The following OIT3 variants were observed in gnomAD, a reference collection of about 807,000 sequenced individuals.
OIT3 encodes the protein oncoprotein induced transcript 3, also known as oncoprotein-induced transcript 3 protein.
Under a neutral mutation model 52.2 loss-of-function variants are expected in OIT3, and 41 were observed. That is an observed-to-expected ratio of 0.79 (90% CI 0.61 to 1.02). The LOEUF (loss-of-function observed/expected upper bound fraction) is 1.02. Among genes scored for constraint, OIT3 ranks in the 50% least tolerant of loss-of-function variants. OIT3 has a pLI of 0.00. For missense variants in OIT3, 634 were observed against 715.5 expected, an observed-to-expected ratio of 0.89 and a Z score of 1.30; for synonymous variants, 244 against 276.9, an observed-to-expected ratio of 0.88 and a Z score of 1.18.
At chr10:72,903,938 A>G (rs934638783) in intron 3 of OIT3, among the ~76,000 whole-genome samples, 30 of 152,282 alleles carry the variant, frequency 2.0e-4, no homozygotes, top group African/African-American at 6.5e-4. Flanking sequence ...TCTTATGCCT[A>G]ATTTCTGCCT....
chr10:72,902,100 A>T (rs1418078730), intron 3 of OIT3, among the ~76,000 whole-genome samples: 1 of 152,122 alleles, frequency 6.6e-6, no homozygotes, highest in African/African-American at 2.4e-5. Context: ...CTCCTAAATG[A>T]ACCCCACTGA....
intron 4 of OIT3, among the ~76,000 whole-genome samples, chr10:72,907,561 C>A (rs897045090): frequency 2.0e-5 from 3 of 152,186 alleles, no homozygotes; most frequent in Non-Finnish European, 4.4e-5. Context: ...CTCCCAGACC[C>A]TCTCCTGGAG....
chr10:72,916,722 G>T (rs1846076199), intron 6 of OIT3, among the ~76,000 whole-genome samples: 1 of 152,164 alleles, frequency 6.6e-6, no homozygotes, highest in African/African-American at 2.4e-5. Flanking sequence ...TCAAAGGGTA[G>T]TTCTGTCTTC....
intron 6 of OIT3, among the ~76,000 whole-genome samples, chr10:72,917,371 C>T (rs540302346): frequency 4.6e-5 from 7 of 152,052 alleles, no homozygotes; most frequent in Admixed American, 2.0e-4. Context: ...GTCTCCCCAT[C>T]GTTTCCATGC....
intron 6 of OIT3, among the ~76,000 whole-genome samples, chr10:72,921,505 C>T (rs1195258174): frequency 6.6e-6 from 1 of 152,014 alleles, no homozygotes; most frequent in African/African-American, 2.4e-5. Context: ...GTGGTTTTAC[C>T]TTTGCATATT....
intron 3 of OIT3, among the ~76,000 whole-genome samples, chr10:72,902,055 A>G (rs1017600542): frequency 2.6e-5 from 4 of 152,064 alleles, no homozygotes; most frequent in Admixed American, 1.3e-4. Context: ...ACAAAACAAA[A>G]CAAAACAAAA....
Position 72,898,884 on chromosome 10 carries a change from A to G in OIT3, c.282A>G (p.Leu94=). 2 of 1,614,158 alleles carry G rather than the reference A, an allele frequency of 1.2e-6. No individual in the cohort carries two copies. The highest frequency in any genetic ancestry group is 1.7e-6 in the Non-Finnish European group (2 of 1,180,010). Residue 94 remains leucine (L), a synonymous_variant, in exon 2 of 9, where the codon CTA becomes CTG. Transcript: ENST00000334011. ...TCTGGCTCAATGGCAGCCACCCCCT[A>G]GAAGGCGACGGCATTGTGCAACGCC... The part of the protein sequence containing the change: ...APVWLNGSHP[L]EGDGIVQRQA...
At chr10:72,927,389 C>T (rs1846178748) in intron 7 of OIT3, among the ~76,000 whole-genome samples, 1 of 152,184 alleles carries the variant, frequency 6.6e-6, no homozygotes, top group Non-Finnish European at 1.5e-5. Context: ...ATCCACCTGC[C>T]TCGGCCTCCC....
chr10:72,921,482 GT>G (rs1846120777), intron 6 of OIT3, among the ~76,000 whole-genome samples: 1 of 151,920 alleles, frequency 6.6e-6, no homozygotes, highest in Admixed American at 6.6e-5. Context: ...GTATGTTTTT[GT>G]AGTGGCTGGT....
intron 6 of OIT3, chr10:72,918,533 A>G (rs1846094038): frequency 3.5e-6 from 5 of 1,414,896 alleles, no homozygotes; most frequent in Admixed American, 3.4e-5. Context: ...CGAATCTTCC[A>G]TCGGGTGGCG....
intron 7 of OIT3, among the ~76,000 whole-genome samples, chr10:72,928,181 G>C (rs1846185344): frequency 6.6e-6 from 1 of 152,168 alleles, no homozygotes; most frequent in South Asian, 2.1e-4. Context: ...ATTTTGGTTG[G>C]CGTATGCTCT....
chr10:72,932,519 G>A lies in OIT3; in HGVS notation c.1633G>A (p.Asp545Asn), dbSNP rs1189618983. 14 of 1,601,166 alleles carry A rather than the reference G, an allele frequency of 8.7e-6. No individual in the cohort carries two copies. Among genetic ancestry groups the A allele is most frequent in the African/African-American group, 1.3e-5 (1 of 74,684 alleles). Residue 545 changes from aspartate (D) to asparagine (N), a missense_variant, in exon 9 of 9, where the codon GAC (aspartate) becomes AAC (asparagine). Transcript: ENST00000334011. Reference sequence around the variant, plus strand: ...CGGCCCGATCCGCATCGACTGGGAGGACTAGTTCGTAGCCATACCTCGAGT... The same window carrying A: ...CGGCCCGATCCGCATCGACTGGGAGAACTAGTTCGTAGCCATACCTCGAGT... ...TGGPIRIDWE[D>N]
At chr10:72,916,288 A>C (rs554657973) in intron 6 of OIT3, among the ~76,000 whole-genome samples, 57 of 152,016 alleles carry the variant, frequency 3.7e-4, no homozygotes, top group African/African-American at 1.3e-3. Context: ...TAAGCCTACT[A>C]CCCGTTAGCT....
At chr10:72,927,521 T>C (rs1846180025) in intron 7 of OIT3, among the ~76,000 whole-genome samples, 1 of 152,104 alleles carries the variant, frequency 6.6e-6, no homozygotes, top group South Asian at 2.1e-4. Flanking sequence ...AGAGAAAAAA[T>C]ATATATGCTC....
intron 7 of OIT3, among the ~76,000 whole-genome samples, chr10:72,926,647 T>C (rs1464773492): frequency 2.0e-5 from 3 of 152,172 alleles, no homozygotes; most frequent in Admixed American, 1.3e-4. Flanking sequence ...ATTTTCATAA[T>C]ATGGAAAGTT....
Position 72,924,132 on chromosome 10 carries a change from T to C in OIT3, c.952-97T>C. 5.5e-6 allele frequency: 6 copies of C among 1,084,760 alleles called. No homozygotes were observed. In the East Asian group the frequency reaches 1.4e-4, roughly 26 times the overall value. The allele number at this position is 1,084,760 out of a possible 1,614,324, so 67.2% of individuals were successfully genotyped here. ...TAGGCAACCAAATCTCTAATGTGTT[T>C]TGAGGTAGATAGAATGTTAAGGTGA... On this transcript the variant is annotated intron_variant, in intron 6 of 8. Transcript: ENST00000334011.
intron 3 of OIT3, among the ~76,000 whole-genome samples, chr10:72,902,934 C>G (rs1222836782): frequency 6.6e-6 from 1 of 152,140 alleles, no homozygotes; most frequent in Non-Finnish European, 1.5e-5. Context: ...TCAAAGGTAG[C>G]ATATCATTCA....
chr10:72,924,343 T>C lies in OIT3; in HGVS notation c.1066T>C (p.Cys356Arg). The C allele has an allele frequency of 2.5e-6, 4 of 1,614,146 alleles. No individual in the cohort carries two copies. Among genetic ancestry groups the C allele is most frequent in the Non-Finnish European group, 3.4e-6 (4 of 1,180,004 alleles). Residue 356 changes from cysteine (C) to arginine (R), a missense_variant, in exon 7 of 9, where the codon TGC (cysteine) becomes CGC (arginine). Coordinates refer to ENST00000334011, the MANE Select transcript of OIT3 (RefSeq NM_152635.3). ...CAGCAAGCTGCTGATCCCGGTGACCTGCGAGTTTCCACGCCTGTACACCAT... is the reference window on the plus strand; with the variant it reads ...CAGCAAGCTGCTGATCCCGGTGACCCGCGAGTTTCCACGCCTGTACACCAT... ...RTSKLLIPVT[C>R]EFPRLYTISE...
chr10:72,898,759 A>G lies in OIT3; in HGVS notation c.157A>G (p.Asn53Asp). 1 of 1,614,112 alleles carries G rather than the reference A, an allele frequency of 6.2e-7. No individual in the cohort carries two copies. Among genetic ancestry groups the G allele is most frequent in the East Asian group, 2.2e-5 (1 of 44,872 alleles). ...DESQGPPLCDNHVNGEWYHFT... is the reference protein window; with the variant it reads ...DESQGPPLCDDHVNGEWYHFT... ...GTCTCAAGGTCCTCCTCTATGTGAC[A>G]ACCATGTGAATGGGGAGTGGTACCA... Residue 53 changes from asparagine to aspartate, a missense_variant, in exon 2 of 9, where the codon AAC becomes GAC. Physicochemically the swap from Asn to Asp is conservative, Grantham distance 23. Transcript: ENST00000334011.
Sources: allele counts gnomAD v4.1 joint callset (sites outside exome capture counted in the v4.1 genomes callset), GRCh38; gene constraint gnomAD v4.1.1; transcripts MANE v1.5; gene names NCBI Gene and HGNC (gene_info 2026-07-23, HGNC 2026-07-21).